Variants in PRRG1 observed in about 807,000 individuals in gnomAD.
PRRG1 encodes transmembrane gamma-carboxyglutamic acid protein 1.
A neutral mutation model predicts 11.8 loss-of-function variants in PRRG1; 5 were observed. The observed-to-expected ratio is 0.42, with a 90% CI of 0.22 to 0.89. The LOEUF is 0.89. Ranked by LOEUF, PRRG1 falls within the 40% of genes least tolerant of loss-of-function variation. The pLI is 0.28. For missense variants in PRRG1, 155 were observed against 166.1 expected (o/e 0.93, Z 0.37); for synonymous variants, 66 against 60.4 (o/e 1.09, Z -0.43).
At chrX:37,380,253 A>G (rs1451705030) in intron 1 of PRRG1, among the ~76,000 whole-genome samples, 2 of 111,869 alleles carry the variant, frequency 1.8e-5, no homozygotes, top group African/African-American at 6.5e-5. Flanking sequence ...AGCCTGTCTT[A>G]GAACCTCTGA....
At chrX:37,385,062 G>T (rs1348959876) in intron 1 of PRRG1, among the ~76,000 whole-genome samples, 1 of 111,952 alleles carries the variant, frequency 8.9e-6, no homozygotes, top group Non-Finnish European at 1.9e-5. Context: ...AGCACTACTT[G>T]TAATAAACCT....
At chrX:37,400,399 A>G (rs1413512360) in intron 1 of PRRG1, among the ~76,000 whole-genome samples, 2 of 111,710 alleles carry the variant, frequency 1.8e-5, no homozygotes, top group Non-Finnish European at 3.8e-5. Context: ...ACATAACGAA[A>G]TGAAGGCAGA....
chrX:37,424,675 T>C (rs1454302274), intron 2 of PRRG1, among the ~76,000 whole-genome samples: 3 of 109,302 alleles, frequency 2.7e-5, no homozygotes, highest in Non-Finnish European at 5.7e-5. Context: ...AAATACTCAT[T>C]GAAGGCCTAT....
At chrX:37,370,646 G>T (rs1343989454) in intron 1 of PRRG1, among the ~76,000 whole-genome samples, 2 of 111,447 alleles carry the variant, frequency 1.8e-5, no homozygotes, top group East Asian at 2.8e-4. Flanking sequence ...GCACCTTGGG[G>T]CCAGGAGCAG....
At chrX:37,366,320 AT>A (rs1556369322) in intron 1 of PRRG1, among the ~76,000 whole-genome samples, 1 of 111,894 alleles carries the variant, frequency 8.9e-6, no homozygotes, top group Non-Finnish European at 1.9e-5. Flanking sequence ...TTTCTCACCC[AT>A]TTTCTAGTTT....
At chrX:37,443,045 G>A (rs2146631091) in intron 3 of PRRG1, among the ~76,000 whole-genome samples, 1 of 112,346 alleles carries the variant, frequency 8.9e-6, no homozygotes, top group Admixed American at 9.4e-5. Flanking sequence ...AGAATGTAGA[G>A]GGGTTGGGGA....
At chrX:37,355,329 C>G (rs140137767) in intron 1 of PRRG1, among the ~76,000 whole-genome samples, 294 of 111,406 alleles carry the variant, frequency 2.6e-3, no homozygotes, top group African/African-American at 9.2e-3. Flanking sequence ...CTCATAAAAT[C>G]TGGATTTCAG....
At chrX:37,391,985 GTTT>G (rs782051921) in intron 1 of PRRG1, among the ~76,000 whole-genome samples, 5 of 102,657 alleles carry the variant, frequency 4.9e-5, no homozygotes, top group African/African-American at 6.7e-5. Flanking sequence ...GGGCTTCCTT[GTTT>G]TTTTTTTTTG....
intron 1 of PRRG1, among the ~76,000 whole-genome samples, chrX:37,378,636 G>A (rs1265962208): frequency 1.8e-5 from 2 of 111,289 alleles, no homozygotes; most frequent in Non-Finnish European, 3.8e-5. Flanking sequence ...CACAATAGAC[G>A]GATTTGATCT....
chrX:37,455,001 G>C lies in PRRG1; in HGVS notation c.*1380G>C, dbSNP rs1225774341. On this transcript the variant is annotated 3_prime_UTR_variant, in exon 4 of 4. Transcript: ENST00000378628. ...TTGTACCACTTCCAAACTTTTCAGC[G>C]TTGGATAAAATGATTGATGAGGCAG... 8.9e-6 allele frequency: 1 copy of C among 111,884 alleles called. No individual in the cohort carries two copies. Among genetic ancestry groups the C allele is most frequent in the Non-Finnish European group, 1.9e-5 (1 of 53,185 alleles). The allele number at this position is 111,884 out of a possible 1,213,427, so 9.2% of individuals were successfully genotyped here. A position where few individuals can be genotyped will look rare whatever the true frequency, so the allele number is the denominator to read the frequency against.
intron 1 of PRRG1, among the ~76,000 whole-genome samples, chrX:37,366,403 A>G (rs782770394): frequency 2.7e-5 from 3 of 112,359 alleles, no homozygotes; most frequent in Non-Finnish European, 3.8e-5. Flanking sequence ...GGTTTAGTTT[A>G]GAGATGGCTC....
intron 1 of PRRG1, among the ~76,000 whole-genome samples, chrX:37,381,017 A>C (rs1387618091): frequency 9.0e-6 from 1 of 111,629 alleles, no homozygotes; most frequent in African/African-American, 3.3e-5. Flanking sequence ...ATTCTTTAGA[A>C]TGGAACAATA....
At chrX:37,351,826 G>A (rs782445007) in intron 1 of PRRG1, among the ~76,000 whole-genome samples, 2 of 112,632 alleles carry the variant, frequency 1.8e-5, no homozygotes, top group African/African-American at 3.2e-5. Flanking sequence ...TGGAATTTAG[G>A]AAGTACTACA....
chrX:37,386,051 T>G (rs1556375162), intron 1 of PRRG1, among the ~76,000 whole-genome samples: 1 of 112,080 alleles, frequency 8.9e-6, no homozygotes, highest in African/African-American at 3.2e-5. Context: ...CGTGAGCTAC[T>G]GGTGCCCAGC....
intron 1 of PRRG1, among the ~76,000 whole-genome samples, chrX:37,405,500 A>T (rs1335185213): frequency 9.0e-6 from 1 of 111,600 alleles, no homozygotes; most frequent in Non-Finnish European, 1.9e-5. Flanking sequence ...ACCCTGTGAG[A>T]AAATGAAGCA....
intron 1 of PRRG1, chrX:37,386,789 A>G (rs1241729615): frequency 1.8e-5 from 2 of 112,213 alleles, no homozygotes; most frequent in Non-Finnish European, 3.8e-5. Flanking sequence ...GGGGATAATA[A>G]TAGTTTTATA....
intron 1 of PRRG1, among the ~76,000 whole-genome samples, chrX:37,389,159 C>T (rs183191330): frequency 8.1e-5 from 9 of 111,499 alleles, no homozygotes; most frequent in African/African-American, 2.9e-4. Flanking sequence ...CCTCTTCGGC[C>T]TGGCCTTCAC....
chrX:37,414,883 ACT>A (rs1265526280), intron 2 of PRRG1, among the ~76,000 whole-genome samples: 2 of 111,913 alleles, frequency 1.8e-5, no homozygotes, highest in Non-Finnish European at 3.8e-5. Context: ...CAAATCATTC[ACT>A]CTCTATTTCA....
intron 1 of PRRG1, among the ~76,000 whole-genome samples, chrX:37,402,510 G>T (rs1233607959): frequency 9.0e-6 from 1 of 111,513 alleles, no homozygotes; most frequent in East Asian, 2.8e-4. Context: ...TTAAACGTTA[G>T]ACCTAAAACC....
Sources: allele counts gnomAD v4.1 joint callset (sites outside exome capture counted in the v4.1 genomes callset), GRCh38; gene constraint gnomAD v4.1.1; transcripts MANE v1.5; gene names NCBI Gene and HGNC (gene_info 2026-07-23, HGNC 2026-07-21).